SEMA6D: variants seen among roughly 807,000 people sequenced by gnomAD.
The protein encoded by SEMA6D is semaphorin 6D.
Under a neutral mutation model 106.6 loss-of-function variants are expected in SEMA6D, and 35 were observed. The observed-to-expected ratio is 0.33, with a 90% CI of 0.25 to 0.44. SEMA6D has a LOEUF of 0.44. SEMA6D is among the 20% of genes least tolerant of loss of function. SEMA6D has a pLI of 1.00. For missense variants in SEMA6D, 1,185 were observed against 1,345.9 expected (o/e 0.88, Z 1.87); for synonymous variants, 499 against 487.7 (o/e 1.02, Z -0.31).
intron 3 of SEMA6D, among the ~76,000 whole-genome samples, chr15:47,552,628 G>A (rs990190026): frequency 4.8e-5 from 7 of 146,638 alleles, no homozygotes; most frequent in African/African-American, 7.5e-5. Flanking sequence ...TAGGTTTCTC[G>A]GGGAGCAGTG....
At chr15:47,379,745 T>C (rs936500053) in intron 1 of SEMA6D, among the ~76,000 whole-genome samples, 1 of 152,122 alleles carries the variant, frequency 6.6e-6, no homozygotes, top group African/African-American at 2.4e-5. Flanking sequence ...ATTTTATTTT[T>C]TTAATTTTAA....
intron 1 of SEMA6D, among the ~76,000 whole-genome samples, chr15:47,237,683 G>C (rs1232777890): frequency 6.6e-6 from 1 of 151,942 alleles, no homozygotes. Flanking sequence ...CTGCTCTAGG[G>C]TTTGAGAGTA....
At chr15:47,397,527 C>T (rs2040255552) in intron 1 of SEMA6D, 1 of 125,740 alleles carries the variant, frequency 8.0e-6, no homozygotes, top group Admixed American at 8.6e-5. Flanking sequence ...TCTTATTTTT[C>T]TCTCAGAGTC....
chr15:47,380,088 C>T (rs1016154254), intron 1 of SEMA6D, among the ~76,000 whole-genome samples: 3 of 152,128 alleles, frequency 2.0e-5, no homozygotes, highest in Non-Finnish European at 4.4e-5. Flanking sequence ...GTAAGTTTCA[C>T]ATTTAGAAAT....
At chr15:47,671,988 T>C (rs1317394991) in intron 4 of SEMA6D, among the ~76,000 whole-genome samples, 1 of 152,192 alleles carries the variant, frequency 6.6e-6, no homozygotes, top group Non-Finnish European at 1.5e-5. Flanking sequence ...ACATTTTATA[T>C]TGTGAGCATT....
chr15:47,765,696 AACC>A, intron 13 of SEMA6D, 170 bp from the exon 14 acceptor site: 1 of 624,286 alleles, frequency 1.6e-6, no homozygotes, highest in South Asian at 7.7e-5. Flanking sequence ...AAATTTAACC[AACC>A]ATGCAGAGAA....
chr15:47,428,095 G>T (rs1045352440), intron 2 of SEMA6D, among the ~76,000 whole-genome samples: 2 of 152,002 alleles, frequency 1.3e-5, no homozygotes, highest in Admixed American at 6.6e-5. Flanking sequence ...TGTAAAAAAA[G>T]AGAGAAGAAG....
At chr15:47,701,980 G>A (rs1260780830) in intron 4 of SEMA6D, among the ~76,000 whole-genome samples, 2 of 152,160 alleles carry the variant, frequency 1.3e-5, no homozygotes, top group Non-Finnish European at 2.9e-5. Context: ...GCCCACTGCG[G>A]TCAAAACTAG....
intron 1 of SEMA6D, among the ~76,000 whole-genome samples, chr15:47,303,320 C>A (rs991909186): frequency 3.9e-5 from 6 of 152,162 alleles, no homozygotes; most frequent in Non-Finnish European, 7.3e-5. Flanking sequence ...TGTATGGCAA[C>A]GACTTGGATG....
chr15:47,767,114 T>A, intron 17 of SEMA6D, 21 bp downstream of exon 17: 1 of 1,501,434 alleles, frequency 6.7e-7, no homozygotes, highest in Non-Finnish European at 9.1e-7. Flanking sequence ...TTTAATTTTT[T>A]TGAATTAACA....
At chr15:47,546,477 A>G (rs2045525347) in intron 3 of SEMA6D, among the ~76,000 whole-genome samples, 1 of 152,156 alleles carries the variant, frequency 6.6e-6, no homozygotes, top group South Asian at 2.1e-4. Context: ...ATGTAGGTAT[A>G]TATGTATCTG....
intron 1 of SEMA6D, among the ~76,000 whole-genome samples, chr15:47,277,924 C>G (rs2034912900): frequency 6.6e-6 from 1 of 151,586 alleles, no homozygotes; most frequent in Non-Finnish European, 1.5e-5. Context: ...CATCCATGTC[C>G]CTACAAAGGA....
chr15:47,686,981 G>A (rs552707245), intron 4 of SEMA6D, among the ~76,000 whole-genome samples: 11 of 150,530 alleles, frequency 7.3e-5, no homozygotes, highest in Admixed American at 6.7e-4. Context: ...CAGGAAGATC[G>A]CTTGAGCCCA....
intron 1 of SEMA6D, among the ~76,000 whole-genome samples, chr15:47,277,602 T>A (rs2034881810): frequency 3.0e-4 from 1 of 3,380 alleles, no homozygotes; most frequent in Non-Finnish European, 4.6e-3. Flanking sequence ...TTATTATTAT[T>A]ATTATTATTA....
chr15:47,727,494 C>T (rs1453485717), intron 1 of SEMA6D, among the ~76,000 whole-genome samples: 1 of 152,212 alleles, frequency 6.6e-6, no homozygotes, highest in African/African-American at 2.4e-5. Flanking sequence ...TCTATCCAAA[C>T]AAGGTGCTAG....
At chr15:47,232,528 T>G (rs1457145630) in intron 1 of SEMA6D, among the ~76,000 whole-genome samples, 5 of 1,490 alleles carry the variant, frequency 3.4e-3, no homozygotes, top group Admixed American at 0.071. Context: ...GGGGGGAGGG[T>G]GTGTGTGTGT....
At position 47,770,903 on chromosome 15, in the gene SEMA6D, T is replaced by A; in HGVS notation, c.2340T>A (p.Leu780=). ...ALPTPESTPV[L]HQKTLQAMKS... ...CTACTCCTGAGTCTACACCCGTGCT[T>A]CACCAGAAGACCCTGCAGGCCATGA... Residue 780 remains leucine (L), a synonymous_variant, in exon 19 of 19, where the codon CTT becomes CTA. Transcript: ENST00000536845. 1 of 1,614,072 alleles carries A rather than the reference T, an allele frequency of 6.2e-7. No individual in the cohort carries two copies. Among genetic ancestry groups the A allele is most frequent in the Non-Finnish European group, 8.5e-7 (1 of 1,180,000 alleles).
intron 3 of SEMA6D, among the ~76,000 whole-genome samples, chr15:47,488,084 C>T (rs377578503): frequency 9.2e-5 from 14 of 152,212 alleles, no homozygotes; most frequent in African/African-American, 3.1e-4. Flanking sequence ...TCTATTCTGT[C>T]CTGTTCATCT....
At chr15:47,300,304 A>G (rs1006281116) in intron 1 of SEMA6D, among the ~76,000 whole-genome samples, 3 of 152,130 alleles carry the variant, frequency 2.0e-5, no homozygotes, top group Admixed American at 1.3e-4. Context: ...AACCTGGGCC[A>G]CTTGAAAACT....
Sources: gnomAD v4.1 joint callset for allele counts (sites outside exome capture counted in the v4.1 genomes callset) on GRCh38, gnomAD v4.1.1 for gene constraint, MANE v1.5 for transcripts, NCBI Gene and HGNC (gene_info 2026-07-23, HGNC 2026-07-21) for gene names.